GALNT13: variants seen among roughly 807,000 people sequenced by gnomAD.
GALNT13 encodes the protein polypeptide N-acetylgalactosaminyltransferase 13.
In GALNT13, 28 loss-of-function variants were observed where a neutral mutation model predicts 64.2. The ratio of observed to expected loss-of-function variants is 0.44; its 90% CI spans 0.32 to 0.60. The LOEUF (loss-of-function observed/expected upper bound fraction) is 0.60, where lower values mean the gene tolerates loss of function less well. GALNT13 is among the 20% of genes least tolerant of loss of function. The pLI is 0.05. For missense variants in GALNT13, 577 were observed against 669.8 expected, an observed-to-expected ratio of 0.86 and a Z score of 1.53; for synonymous variants, 214 against 224.6, an observed-to-expected ratio of 0.95 and a Z score of 0.42.
At chr2:153,304,066 G>T in the GALNT13 span, among the ~76,000 whole-genome samples, 2 of 151,466 alleles carry the variant, frequency 1.3e-5, no homozygotes, top group Non-Finnish European at 2.9e-5. Context: ...GGTGGTGGGG[G>T]ACTGGCTCAC....
the GALNT13 span, among the ~76,000 whole-genome samples, chr2:153,760,305 A>G: frequency 6.6e-6 from 1 of 150,884 alleles, no homozygotes; most frequent in Non-Finnish European, 1.5e-5. Flanking sequence ...TTATTTTCTT[A>G]TTTCTTCTAA....
At chr2:154,309,839 A>G (rs1284250006) in intron 9 of GALNT13, among the ~76,000 whole-genome samples, 1 of 152,124 alleles carries the variant, frequency 6.6e-6, no homozygotes, top group Non-Finnish European at 1.5e-5. Flanking sequence ...CCAAATTATC[A>G]CTGGTCTCTT....
chr2:153,525,313 C>A, the GALNT13 span, among the ~76,000 whole-genome samples: 1 of 152,202 alleles, frequency 6.6e-6, no homozygotes, highest in Non-Finnish European at 1.5e-5. Flanking sequence ...AGACTCAGCA[C>A]ATTTCCAGCT....
chr2:153,647,311 A>G, the GALNT13 span, among the ~76,000 whole-genome samples: 1 of 151,386 alleles, frequency 6.6e-6, no homozygotes. Context: ...TGATGGGGTT[A>G]TTTGTTTTTT....
At chr2:154,276,941 T>A (rs1691682602) in intron 8 of GALNT13, among the ~76,000 whole-genome samples, 1 of 152,172 alleles carries the variant, frequency 6.6e-6, no homozygotes, top group Non-Finnish European at 1.5e-5. Flanking sequence ...TCCTAAGGCC[T>A]TCCCAGCCAT....
the GALNT13 span, among the ~76,000 whole-genome samples, chr2:153,371,753 C>G: frequency 6.6e-6 from 1 of 152,122 alleles, no homozygotes; most frequent in Non-Finnish European, 1.5e-5. Flanking sequence ...TCTAAGAAAT[C>G]CCAATCAAAA....
chr2:153,229,279 T>A, the GALNT13 span, among the ~76,000 whole-genome samples: 1 of 152,214 alleles, frequency 6.6e-6, no homozygotes, highest in Non-Finnish European at 1.5e-5. Flanking sequence ...GCAAACTGGT[T>A]CCAATATTGA....
intron 3 of GALNT13, among the ~76,000 whole-genome samples, chr2:154,098,222 A>G (rs7589080): frequency 0.76 from 114,619 of 151,608 alleles, 43,692 homozygotes; most frequent in East Asian, 0.96. Flanking sequence ...GCTGAGTGAT[A>G]ATTCAGATTT....
At chr2:154,392,111 AGT>A (rs1698823279) in intron 9 of GALNT13, among the ~76,000 whole-genome samples, 1 of 152,180 alleles carries the variant, frequency 6.6e-6, no homozygotes, top group African/African-American at 2.4e-5. Context: ...AATGAAAAAA[AGT>A]GGGGCTAGAA....
intron 3 of GALNT13, among the ~76,000 whole-genome samples, chr2:154,021,836 A>T (rs9678297): frequency 6.9e-6 from 1 of 145,242 alleles, no homozygotes; most frequent in Non-Finnish European, 1.5e-5. Context: ...TTGGCTGTGG[A>T]TTTGTCATAG....
chr2:153,725,056 C>G, the GALNT13 span, among the ~76,000 whole-genome samples: 2 of 149,864 alleles, frequency 1.3e-5, no homozygotes, highest in Non-Finnish European at 3.0e-5. Flanking sequence ...GGAACCAACC[C>G]AAATGTCCAA....
chr2:153,161,419 G>A, the GALNT13 span, among the ~76,000 whole-genome samples: 5 of 152,098 alleles, frequency 3.3e-5, no homozygotes, highest in Non-Finnish European at 7.3e-5. Context: ...GTGTGGTTTG[G>A]GATAGGGAGA....
At chr2:153,263,410 A>G in the GALNT13 span, among the ~76,000 whole-genome samples, 1 of 152,216 alleles carries the variant, frequency 6.6e-6, no homozygotes, top group Non-Finnish European at 1.5e-5. Flanking sequence ...CTGTTAAACT[A>G]CCATTGACAT....
chr2:153,396,592 C>A, the GALNT13 span, among the ~76,000 whole-genome samples: 6 of 151,902 alleles, frequency 3.9e-5, no homozygotes, highest in African/African-American at 1.5e-4. Flanking sequence ...CATAATAGTT[C>A]TATGTGAGTA....
chr2:154,303,422 T>C (rs1326300648), intron 9 of GALNT13, among the ~76,000 whole-genome samples: 2 of 152,128 alleles, frequency 1.3e-5, no homozygotes, highest in East Asian at 1.9e-4. Flanking sequence ...TGCTCCTTAC[T>C]GTACATATGG....
chr2:153,743,184 T>C, the GALNT13 span, among the ~76,000 whole-genome samples: 1 of 152,136 alleles, frequency 6.6e-6, no homozygotes, highest in African/African-American at 2.4e-5. Context: ...TTCTTTTCCA[T>C]AGAGGTTGTG....
chr2:154,426,293 C>T (rs1700467087), intron 11 of GALNT13, among the ~76,000 whole-genome samples: 1 of 152,210 alleles, frequency 6.6e-6, no homozygotes, highest in Admixed American at 6.5e-5. Flanking sequence ...CTCTCCAAAT[C>T]ATGGCAGTTT....
chr2:153,725,682 C>T, the GALNT13 span, among the ~76,000 whole-genome samples: 2 of 151,960 alleles, frequency 1.3e-5, no homozygotes, highest in East Asian at 1.9e-4. Flanking sequence ...CCCATGCCAC[C>T]AGCTTCACAG....
At chr2:154,399,750 G>T (rs1402009859) in intron 10 of GALNT13, among the ~76,000 whole-genome samples, 10 of 152,118 alleles carry the variant, frequency 6.6e-5, no homozygotes, top group Non-Finnish European at 1.3e-4. Flanking sequence ...TTTGTTATAT[G>T]TTGAAAATAC....
Sources: gnomAD v4.1 joint callset for allele counts (sites outside exome capture counted in the v4.1 genomes callset) on GRCh38, gnomAD v4.1.1 for gene constraint, MANE v1.5 for transcripts, NCBI Gene and HGNC (gene_info 2026-07-23, HGNC 2026-07-21) for gene names.